Variants in PTCD3 observed in about 807,000 individuals in gnomAD.
The protein encoded by PTCD3 is pentatricopeptide repeat domain 3.
Under a neutral mutation model 101.9 loss-of-function variants are expected in PTCD3, and 89 were observed. The observed-to-expected ratio is 0.87, with a 90% CI of 0.74 to 1.04. PTCD3 has a LOEUF of 1.04. Ranked by LOEUF, PTCD3 falls within the 50% of genes least tolerant of loss-of-function variation. The pLI, the probability that PTCD3 is intolerant of heterozygous loss-of-function variation, is 0.00. For missense variants in PTCD3, 870 were observed against 828.2 expected (o/e 1.05, Z -0.62); for synonymous variants, 296 against 278.5 (o/e 1.06, Z -0.63).
At chr2:86,115,411 T>G (rs1674160716) in intron 4 of PTCD3, among the ~76,000 whole-genome samples, 2 of 152,164 alleles carry the variant, frequency 1.3e-5, no homozygotes, top group Admixed American at 1.3e-4. Context: ...CTCTTAAGAA[T>G]TCAACATTGG....
At chr2:86,118,751 C>T (rs1258773676) in intron 6 of PTCD3, among the ~76,000 whole-genome samples, 170 bp from the exon 7 acceptor site, 1 of 152,112 alleles carries the variant, frequency 6.6e-6, no homozygotes, top group Non-Finnish European at 1.5e-5. Flanking sequence ...AGTTCAATTC[C>T]CTGTGAAGAC....
At chr2:86,119,071 T>C (rs1336812482) in intron 7 of PTCD3, 27 bp downstream of exon 7, 3 of 1,610,712 alleles carry the variant, frequency 1.9e-6, no homozygotes, top group Admixed American at 3.4e-5. Flanking sequence ...AAAGCCCCTC[T>C]AATAACATGG....
At position 86,130,993 on chromosome 2, in the gene PTCD3, G is replaced by T. The variant is rs1573857484; in HGVS notation, c.1238-85G>T. 4 of 1,451,178 alleles carry T rather than the reference G, an allele frequency of 2.8e-6. No homozygotes were observed. In the East Asian group the frequency reaches 9.4e-5, roughly 34 times the overall value. The allele number at this position is 1,451,178 out of a possible 1,614,324, so 89.9% of individuals were successfully genotyped here. On this transcript the variant is annotated intron_variant, in intron 15 of 23. Transcript: ENST00000254630. ...CTTTATCTTGCATGTTACCAGTTTTGTTGGCAGGATTTTTGTTAATGTTAC... is the reference window on the plus strand; with the variant it reads ...CTTTATCTTGCATGTTACCAGTTTTTTTGGCAGGATTTTTGTTAATGTTAC...
In PTCD3 at chr2:86,116,544, G is replaced by A. The variant is rs1363044997; in HGVS notation, c.255G>A (p.Val85=). Residue 85 remains valine, a synonymous_variant, in exon 5 of 24, where the codon GTG becomes GTA. Transcript: ENST00000254630. ...ASTVNRDTTA[V]PYVFQDDPYL... is the part of the protein sequence containing the mutation. ...CTTTTCCACAGGATACCACAGCTGT[G>A]CCTTATGTGTTTCAAGATGATCCTT... 1 of 1,609,240 alleles carries A rather than the reference G, an allele frequency of 6.2e-7. No homozygotes were observed. Among genetic ancestry groups the A allele is most frequent in the African/African-American group, 1.3e-5 (1 of 74,836 alleles).
chr2:86,106,398 T>G, intron 1 of PTCD3, 47 bp downstream of exon 1: 1 of 1,562,098 alleles, frequency 6.4e-7, no homozygotes, highest in Non-Finnish European at 8.8e-7. Flanking sequence ...GGAGTCACCT[T>G]AGTCCTATGT....
intron 8 of PTCD3, among the ~76,000 whole-genome samples, chr2:86,123,277 A>AG (rs1371891161): frequency 6.6e-6 from 1 of 151,696 alleles, no homozygotes; most frequent in East Asian, 1.9e-4. Context: ...AAAAAAAAAA[A>AG]AGAAGTCTTA....
At chr2:86,120,782 C>G (rs1468690114) in intron 7 of PTCD3, among the ~76,000 whole-genome samples, 1 of 152,124 alleles carries the variant, frequency 6.6e-6, no homozygotes, top group Non-Finnish European at 1.5e-5. Context: ...GTAGTCACAG[C>G]TGCTCGGAAG....
intron 16 of PTCD3, among the ~76,000 whole-genome samples, chr2:86,131,311 G>A (rs1041790439): frequency 4.0e-5 from 6 of 151,878 alleles, no homozygotes; most frequent in South Asian, 4.2e-4. Context: ...GTGGCTCACC[G>A]CAACCTCTGC....
chr2:86,119,263 T>C, intron 7 of PTCD3: 1 of 569,624 alleles, frequency 1.8e-6, no homozygotes, highest in Non-Finnish European at 2.9e-6. Flanking sequence ...TGGTTTATTG[T>C]AGCACTGGTA....
chr2:86,136,229 T>G (rs530022166), intron 21 of PTCD3, among the ~76,000 whole-genome samples: 1 of 152,322 alleles, frequency 6.6e-6, no homozygotes, highest in South Asian at 2.1e-4. Flanking sequence ...TTGGAGCATT[T>G]TTGGATTAGG....
Position 86,116,586 on chromosome 2 carries a change from A to G in PTCD3, c.297A>G (p.Ser99=), listed in dbSNP as rs771499810. 10 of 1,606,554 alleles carry G rather than the reference A, an allele frequency of 6.2e-6. No homozygotes were observed. In the Admixed American group the frequency reaches 1.5e-4, roughly 24 times the overall value. The change falls in exon 5 of 24, where the codon TCA becomes TCG. Residue 99 remains serine, a synonymous_variant. Coordinates refer to ENST00000254630, the MANE Select transcript of PTCD3 (RefSeq NM_017952.6). ...FQDDPYLMPA[S]SLESRSFLLA... ...ATGATCCTTACCTTATGCCAGCATC[A>G]TCTTTGGAATCTGTGAGTATTTTCA... is the stretch of plus-strand genomic sequence containing the variant.
At position 86,133,385 on chromosome 2, in the gene PTCD3, C is replaced by G; in HGVS notation, c.1492C>G (p.Gln498Glu). ...CTCCCAAACAATGATACATCTTCTC[C>G]AAGCATTGGATGTGGCCAATCGGCT... Reference protein sequence around the residue: ...PHSQTMIHLLQALDVANRLEV... With the variant: ...PHSQTMIHLLEALDVANRLEV... Residue 498 changes from glutamine (Q) to glutamate (E), a missense_variant, in exon 19 of 24, where the codon CAA (glutamine) becomes GAA (glutamate). By Grantham distance (29) the Gln-to-Glu change is conservative. Transcript: ENST00000254630. The G allele has an allele frequency of 2.5e-6, 4 of 1,614,156 alleles. No individual in the cohort carries two copies. The highest frequency in any genetic ancestry group is 3.4e-6 in the Non-Finnish European group (4 of 1,180,006).
intron 16 of PTCD3, 131 bp downstream of exon 16, chr2:86,131,237 T>A: frequency 2.8e-6 from 2 of 718,558 alleles, no homozygotes; most frequent in Non-Finnish European, 4.3e-6. Context: ...CTTCTTTCTC[T>A]AAAATCTATA....
intron 8 of PTCD3, among the ~76,000 whole-genome samples, chr2:86,123,205 T>C (rs910669367): frequency 6.7e-6 from 1 of 149,424 alleles, no homozygotes. Context: ...GAGGTTGCAG[T>C]GAGCCAAGAC....
chr2:86,106,542 A>T (rs979469585), intron 1 of PTCD3, among the ~76,000 whole-genome samples, 191 bp downstream of exon 1: 5 of 152,206 alleles, frequency 3.3e-5, no homozygotes, highest in Non-Finnish European at 7.3e-5. Flanking sequence ...TATTCATTAG[A>T]GAAATACTTA....
intron 3 of PTCD3, 161 bp downstream of exon 3, chr2:86,108,697 T>A (rs1674014322): frequency 4.9e-6 from 3 of 615,728 alleles, no homozygotes; most frequent in East Asian, 5.8e-5. Flanking sequence ...GGACAAAAAA[T>A]GGAAAGGTGG....
rs779846579 is a variant in PTCD3, at chr2:86,121,487, G to A, written c.547G>A (p.Val183Met). 5.6e-6 allele frequency: 9 copies of A among 1,598,198 alleles called. No individual in the cohort carries two copies. The highest frequency in any genetic ancestry group is 5.2e-5 in the Admixed American group (3 of 57,306). ...FDQLLQAGTTVSLETTNSLLD... is the reference protein window; with the variant it reads ...FDQLLQAGTTMSLETTNSLLD... ...CTGTCTCTTACCCACAGGAACCACT[G>A]TGTCTCTTGAAACAACAAATAGTCT... The change falls in exon 8 of 24, where the codon GTG becomes ATG. Residue 183 changes from valine to methionine, a missense_variant. Physicochemically the swap from Val to Met is conservative, Grantham distance 21 (BLOSUM62 1). Transcript: ENST00000254630.
chr2:86,112,042 CTT>C lies in PTCD3; in HGVS notation c.240+903_240+904del, dbSNP rs60504138. On this transcript the variant is annotated intron_variant, in intron 4 of 23. Coordinates refer to ENST00000254630, the MANE Select transcript of PTCD3 (RefSeq NM_017952.6). Reference sequence around the variant, plus strand: ...TACAGGTGTGAGCCACTGCGCCAAACTTTTTTTTTTTTTTTTTTTTAATTTAT... The same window carrying C: ...TACAGGTGTGAGCCACTGCGCCAAACTTTTTTTTTTTTTTTTTTAATTTAT... The C allele has an allele frequency of 7.6e-3, 972 of 127,288 alleles. 10 individuals carry two copies. The highest frequency in any genetic ancestry group is 0.025 in the African/African-American group (864 of 34,642). 7.9% of individuals were successfully genotyped at this position (127,288 alleles called of 1,614,324 possible). A position where few individuals can be genotyped will look rare whatever the true frequency, so the allele number is the denominator to read the frequency against.
In PTCD3 at chr2:86,127,337, A is replaced by G. The variant is rs762523478; in HGVS notation, c.1096+32A>G. On this transcript the variant is annotated intron_variant, in intron 13 of 23. Coordinates refer to ENST00000254630, the MANE Select transcript of PTCD3 (RefSeq NM_017952.6). Reference sequence around the variant, plus strand: ...ATGCGCCCTTGAGTTCTCTGAGGACAGAGACTGTGCCAGCCAGAGGTTTCA... The same window carrying G: ...ATGCGCCCTTGAGTTCTCTGAGGACGGAGACTGTGCCAGCCAGAGGTTTCA... 9 of 1,602,462 alleles carry G rather than the reference A, an allele frequency of 5.6e-6. No homozygotes were observed. In the African/African-American group the frequency reaches 1.1e-4, roughly 19 times the overall value.
Sources: allele counts gnomAD v4.1 joint callset (sites outside exome capture counted in the v4.1 genomes callset), GRCh38; gene constraint gnomAD v4.1.1; transcripts MANE v1.5; gene names NCBI Gene and HGNC (gene_info 2026-07-23, HGNC 2026-07-21).